Variants in AP1G1 observed in about 807,000 individuals in gnomAD.
AP1G1 encodes the protein AP-1 complex subunit gamma-1.
A neutral mutation model predicts 108.3 loss-of-function variants in AP1G1; 7 were observed. The observed-to-expected ratio is 0.06, with a 90% CI of 0.04 to 0.12. The LOEUF is 0.12. Among genes scored for constraint, AP1G1 ranks in the 10% least tolerant of loss-of-function variants. The pLI is 1.00. For synonymous variants in AP1G1, 379 were observed against 353.5 expected (o/e 1.07, Z -0.81); for missense variants, 756 against 1,010.7 (o/e 0.75, Z 3.42).
chr16:71,764,568 C>G, intron 8 of AP1G1, 78 bp downstream of exon 8: 1 of 1,298,510 alleles, frequency 7.7e-7, no homozygotes, highest in Non-Finnish European at 1.1e-6. Flanking sequence ...CAAATAAAAA[C>G]TGCTCCATAT....
chr16:71,801,330 T>C (rs75045692), intron 1 of AP1G1, among the ~76,000 whole-genome samples: 5,243 of 112,898 alleles, frequency 0.046, 303 homozygotes, highest in African/African-American at 0.15. Flanking sequence ...GACCATGACA[T>C]GTTAAAAAAA....
chr16:71,763,839 A>T (rs1216369439), intron 9 of AP1G1, among the ~76,000 whole-genome samples: 3 of 152,208 alleles, frequency 2.0e-5, no homozygotes, highest in Non-Finnish European at 2.9e-5. Flanking sequence ...GAGAAGGGAT[A>T]ACTCCTCTTT....
intron 1 of AP1G1, among the ~76,000 whole-genome samples, chr16:71,799,308 T>TA (rs568707383): frequency 4.2e-4 from 64 of 152,230 alleles, no homozygotes; most frequent in Non-Finnish European, 6.9e-4. Flanking sequence ...ACTACAGAAA[T>TA]AAAAGCATCA....
At chr16:71,808,131 G>A (rs184542376) in intron 1 of AP1G1, 1 of 1,151,346 alleles carries the variant, frequency 8.7e-7, no homozygotes, top group East Asian at 6.3e-5. Flanking sequence ...ATTAGACGCT[G>A]ACGTCCGCAG....
rs1300092342 is a variant in AP1G1 at position 71,805,808 on chromosome 16, G to A, written c.-4+2955C>T. ...TCAGCACTTTGCGAGGCCGAGGCAA[G>A]AGGATTGCTTGAGCCCAGCCTGGGC... On this transcript the variant is annotated intron_variant, in intron 1 of 22. Coordinates refer to ENST00000299980, the MANE Select transcript of AP1G1 (RefSeq NM_001128.6). Among the ~76,000 whole-genome samples the A allele has an allele frequency of 3.3e-5, 5 of 152,142 alleles. No individual in the cohort carries two copies. In the East Asian group the frequency reaches 9.6e-4, roughly 29 times the overall value.
chr16:71,762,317 A>T (rs1028000310), intron 9 of AP1G1, among the ~76,000 whole-genome samples: 1 of 152,186 alleles, frequency 6.6e-6, no homozygotes, highest in African/African-American at 2.4e-5. Context: ...GGTGAAATAC[A>T]TATGTGGTTT....
In AP1G1 at chr16:71,808,812, G is replaced by A. The variant is rs895393809; in HGVS notation, c.-53C>T. On this transcript the variant is annotated 5_prime_UTR_variant, in exon 1 of 23. Coordinates refer to ENST00000299980, the MANE Select transcript of AP1G1 (RefSeq NM_001128.6). Reference sequence around the variant, plus strand: ...AGCAGCTCCGGGGGCGGCGGCAGCAGTGGCAGCAGGAACCGAACATCCAAA... The same window carrying A: ...AGCAGCTCCGGGGGCGGCGGCAGCAATGGCAGCAGGAACCGAACATCCAAA... 7.8e-7 allele frequency: 1 copy of A among 1,289,744 alleles called. No homozygotes were observed. The highest frequency in any genetic ancestry group is 1.0e-6 in the Non-Finnish European group (1 of 988,818). 79.9% of individuals were successfully genotyped at this position (1,289,744 alleles called of 1,614,324 possible). A position where few individuals can be genotyped will look rare whatever the true frequency, so the allele number is the denominator to read the frequency against.
chr16:71,801,708 G>C (rs745834675), intron 1 of AP1G1, among the ~76,000 whole-genome samples: 3 of 152,150 alleles, frequency 2.0e-5, no homozygotes, highest in African/African-American at 2.4e-5. Flanking sequence ...AGATCACAAG[G>C]TCAGGAGATC....
intron 1 of AP1G1, chr16:71,808,390 C>T (rs2033073077): frequency 1.0e-6 from 1 of 974,912 alleles, no homozygotes; most frequent in African/African-American, 1.7e-5. Flanking sequence ...AACGCTGATA[C>T]GTGGCTCAGA....
chr16:71,738,842 A>T, intron 21 of AP1G1, 100 bp downstream of exon 21: 2 of 1,099,514 alleles, frequency 1.8e-6, no homozygotes, highest in Non-Finnish European at 2.6e-6. Flanking sequence ...CTACAAATTT[A>T]ATCTGTAAAC....
At chr16:71,777,695 CCTT>C (rs1171757088) in intron 2 of AP1G1, 64 of 458,350 alleles carry the variant, frequency 1.4e-4, no homozygotes, top group South Asian at 9.8e-4. Flanking sequence ...TTCATCATCT[CCTT>C]CTTCCTCTTC....
chr16:71,780,904 A>G (rs1159953897), intron 2 of AP1G1, among the ~76,000 whole-genome samples: 1 of 151,840 alleles, frequency 6.6e-6, no homozygotes, highest in Non-Finnish European at 1.5e-5. Flanking sequence ...GCTAGTGTCA[A>G]ACTCCTGAGC....
At chr16:71,808,612 C>G in intron 1 of AP1G1, 151 bp downstream of exon 1, 4 of 1,289,656 alleles carry the variant, frequency 3.1e-6, no homozygotes, top group Non-Finnish European at 4.0e-6. Context: ...GGCTCCCGGC[C>G]TCTCCTGGCC....
intron 2 of AP1G1, among the ~76,000 whole-genome samples, chr16:71,780,079 T>G (rs2031952437): frequency 6.7e-6 from 1 of 149,316 alleles, no homozygotes; most frequent in Non-Finnish European, 1.5e-5. Context: ...CTGCAACCTC[T>G]GCCTCCTGGG....
chr16:71,764,816 C>A, intron 7 of AP1G1, 90 bp from the exon 8 acceptor site: 2 of 763,912 alleles, frequency 2.6e-6, no homozygotes, highest in South Asian at 1.9e-5. Flanking sequence ...TAAATGAAGT[C>A]TTAGAAATTC....
At chr16:71,791,164 G>A (rs2032383324) in intron 1 of AP1G1, among the ~76,000 whole-genome samples, 1 of 150,656 alleles carries the variant, frequency 6.6e-6, no homozygotes, top group African/African-American at 2.4e-5. Flanking sequence ...AGACTGCAGT[G>A]AGCCAAGATC....
At chr16:71,780,494 AT>A (rs1430339342) in intron 2 of AP1G1, among the ~76,000 whole-genome samples, 1 of 120,100 alleles carries the variant, frequency 8.3e-6, no homozygotes, top group Non-Finnish European at 1.7e-5. Context: ...CTGTCTCTTA[AT>A]TTAAAAAAAA....
intron 12 of AP1G1, among the ~76,000 whole-genome samples, chr16:71,754,325 G>C (rs867582241): frequency 1.3e-4 from 19 of 144,160 alleles, no homozygotes; most frequent in Admixed American, 8.4e-4. Flanking sequence ...AAAAGAGAGA[G>C]AAAGAAAAGA....
intron 3 of AP1G1, among the ~76,000 whole-genome samples, chr16:71,773,614 CT>C (rs2031655596): frequency 6.6e-6 from 1 of 152,106 alleles, no homozygotes; most frequent in African/African-American, 2.4e-5. Flanking sequence ...AACATGTTAT[CT>C]ACTGGATGTC....
Sources: allele counts gnomAD v4.1 joint callset (sites outside exome capture counted in the v4.1 genomes callset), GRCh38; gene constraint gnomAD v4.1.1; transcripts MANE v1.5; gene names NCBI Gene and HGNC (gene_info 2026-07-23, HGNC 2026-07-21).